The following SYNPO2 variants were observed in gnomAD, a reference collection of about 807,000 sequenced individuals.
SYNPO2 encodes the protein synaptopodin-2.
SYNPO2 carries 56 observed loss-of-function variants against 85.0 expected under a neutral mutation model. That is an observed-to-expected ratio of 0.66 (90% CI 0.53 to 0.82). SYNPO2 has a LOEUF of 0.82. Among genes scored for constraint, SYNPO2 ranks in the 40% least tolerant of loss-of-function variants. The pLI, the probability that SYNPO2 is intolerant of heterozygous loss-of-function variation, is 0.00. For synonymous variants in SYNPO2, 602 were observed against 591.1 expected (o/e 1.02, Z -0.27); for missense variants, 1,575 against 1,534.2 (o/e 1.03, Z -0.44).
At chr4:118,876,026 A>G (rs550059616) in intron 1 of SYNPO2, among the ~76,000 whole-genome samples, 1 of 152,332 alleles carries the variant, frequency 6.6e-6, no homozygotes, top group East Asian at 1.9e-4. Flanking sequence ...GGGAAGTTAG[A>G]GTTGACAAAA....
Position 119,031,494 on chromosome 4 carries a change from CTCCCG to C in SYNPO2, c.2720_2724del (p.Leu907ArgfsTer18), listed in dbSNP as rs776670457. ...TCGAGCTCAGTCTCCCACTCCATCT[CTCCCG>C]GCCAGTTGGAAGTACTCCTCCAATG... is the stretch of plus-strand genomic sequence containing the variant. On this transcript the variant is annotated frameshift_variant, in exon 4 of 5. Transcript: ENST00000307142. LOFTEE classifies it high-confidence loss of function. 1 of 1,614,194 alleles carries C rather than the reference CTCCCG, an allele frequency of 6.2e-7. No individual in the cohort carries two copies. The highest frequency in any genetic ancestry group is 8.5e-7 in the Non-Finnish European group (1 of 1,180,028).
intron 1 of SYNPO2, among the ~76,000 whole-genome samples, chr4:118,857,716 A>G (rs969193544): frequency 1.3e-5 from 2 of 152,234 alleles, no homozygotes; most frequent in Admixed American, 1.3e-4. Flanking sequence ...CTTAATTTCT[A>G]ATAGAGTAGA....
At chr4:119,019,605 G>A (rs2149183274) in intron 1 of SYNPO2, among the ~76,000 whole-genome samples, 1 of 152,208 alleles carries the variant, frequency 6.6e-6, no homozygotes. Context: ...GTCCCTTCTT[G>A]AGCACCTCTT....
intron 4 of SYNPO2, among the ~76,000 whole-genome samples, chr4:119,051,630 G>A (rs543138672): frequency 2.0e-5 from 3 of 152,202 alleles, no homozygotes; most frequent in Admixed American, 1.3e-4. Context: ...AACTTTATTC[G>A]AAGTTATTAG....
chr4:118,853,875 G>A (rs1731463852), intron 1 of SYNPO2, among the ~76,000 whole-genome samples: 1 of 152,164 alleles, frequency 6.6e-6, no homozygotes, highest in Non-Finnish European at 1.5e-5. Flanking sequence ...TGGAATATGT[G>A]CAGGAAAGAG....
intron 1 of SYNPO2, among the ~76,000 whole-genome samples, chr4:118,907,213 T>A (rs1346104457): frequency 2.0e-5 from 3 of 152,198 alleles, no homozygotes; most frequent in Admixed American, 6.5e-5. Context: ...ATATGTTTTT[T>A]AAAAAACGTC....
chr4:118,960,456 C>T (rs1484368722), intron 1 of SYNPO2, among the ~76,000 whole-genome samples: 2 of 152,042 alleles, frequency 1.3e-5, no homozygotes, highest in East Asian at 1.9e-4. Context: ...ATGGTAAAAT[C>T]GTAAATTGAA....
intron 1 of SYNPO2, among the ~76,000 whole-genome samples, chr4:118,875,515 A>G (rs894311826): frequency 4.6e-5 from 7 of 152,216 alleles, no homozygotes; most frequent in African/African-American, 1.2e-4. Flanking sequence ...CAAAACAGGA[A>G]TTCTGATAAA....
At chr4:118,878,722 A>G (rs1258829329) in intron 1 of SYNPO2, among the ~76,000 whole-genome samples, 1 of 152,156 alleles carries the variant, frequency 6.6e-6, no homozygotes, top group Non-Finnish European at 1.5e-5. Flanking sequence ...CACACCAATC[A>G]GCACTCTGTA....
intron 1 of SYNPO2, among the ~76,000 whole-genome samples, chr4:118,894,573 A>G (rs72671603): frequency 2.8e-5 from 2 of 71,526 alleles, no homozygotes; most frequent in East Asian, 8.4e-4. Flanking sequence ...TCGGGGGAAC[A>G]TCAGGGGAAC....
chr4:119,006,625 G>T (rs1409787985), intron 1 of SYNPO2, among the ~76,000 whole-genome samples: 1 of 152,186 alleles, frequency 6.6e-6, no homozygotes, highest in Non-Finnish European at 1.5e-5. Flanking sequence ...GATCTGGTAA[G>T]CCTCACTAAT....
chr4:118,865,367 T>A (rs996950138), intron 1 of SYNPO2, among the ~76,000 whole-genome samples: 1 of 152,258 alleles, frequency 6.6e-6, no homozygotes, highest in African/African-American at 2.4e-5. Flanking sequence ...GATTTGAGAT[T>A]TTTGTGCTGA....
intron 1 of SYNPO2, among the ~76,000 whole-genome samples, chr4:118,973,818 G>A (rs1370360315): frequency 6.6e-6 from 1 of 152,096 alleles, no homozygotes; most frequent in Admixed American, 6.5e-5. Flanking sequence ...TTACATAAAA[G>A]CTATATAGGC....
chr4:119,028,222 GTT>G lies in SYNPO2; in HGVS notation c.1069+800_1069+801del, dbSNP rs11317450. Among the ~76,000 whole-genome samples, 195 of 135,452 alleles carry G rather than the reference GTT, an allele frequency of 1.4e-3. 1 individual carries two copies. Among genetic ancestry groups the G allele is most frequent in the South Asian group, 0.012 (51 of 4,228 alleles). The allele number at this position is 135,452 out of a possible 152,430, so 88.9% of individuals were successfully genotyped here. A position where few individuals can be genotyped will look rare whatever the true frequency, so the allele number is the denominator to read the frequency against. ...TTTTATTTCACGTTTATTTTTGTTT[GTT>G]TTTTTTTTTTTTTTTACTAATTTTG... On this transcript the variant is annotated intron_variant, in intron 3 of 4. Transcript: ENST00000307142.
intron 4 of SYNPO2, 25 bp downstream of exon 4, chr4:119,032,052 G>T: frequency 6.2e-7 from 1 of 1,611,486 alleles, no homozygotes; most frequent in Non-Finnish European, 8.5e-7. Context: ...TGTTGTGGAA[G>T]AGTAATCTTG....
chr4:119,031,757 C>G lies in SYNPO2; in HGVS notation c.2982C>G (p.Val994=), dbSNP rs769857081. The G allele has an allele frequency of 3.9e-5, 63 of 1,614,108 alleles. No individual in the cohort carries two copies. The highest frequency in any genetic ancestry group is 3.3e-4 in the Middle Eastern group (2 of 6,084). Residue 994 remains valine, a synonymous_variant, in exon 4 of 5, where the codon GTC becomes GTG. Coordinates refer to ENST00000307142, the MANE Select transcript of SYNPO2 (RefSeq NM_133477.3). ...ATGGCCTCCCCCAGAAGTCATCAGT[C>G]AAGGTCAATTCAGCCCTGGCCATGA... ...AKDGLPQKSS[V]KVNSALAMKQ... is the part of the protein sequence containing the mutation.
At chr4:118,910,604 A>C (rs1733103746) in intron 1 of SYNPO2, among the ~76,000 whole-genome samples, 1 of 152,262 alleles carries the variant, frequency 6.6e-6, no homozygotes, top group Admixed American at 6.5e-5. Flanking sequence ...CAAAGAGAAG[A>C]GTGCTTTTAG....
chr4:118,920,797 AT>A (rs1733506570), intron 1 of SYNPO2, among the ~76,000 whole-genome samples: 1 of 152,136 alleles, frequency 6.6e-6, no homozygotes, highest in Non-Finnish European at 1.5e-5. Context: ...CACCAATCAT[AT>A]AATAACCAGG....
intron 1 of SYNPO2, among the ~76,000 whole-genome samples, chr4:118,988,218 C>G (rs997790029): frequency 6.6e-6 from 1 of 152,052 alleles, no homozygotes; most frequent in African/African-American, 2.4e-5. Flanking sequence ...TGAATGTACA[C>G]CTGTGTAGCT....
Sources: allele counts gnomAD v4.1 joint callset (sites outside exome capture counted in the v4.1 genomes callset), GRCh38; gene constraint gnomAD v4.1.1; transcripts MANE v1.5; gene names NCBI Gene and HGNC (gene_info 2026-07-23, HGNC 2026-07-21).